Variants in HSF5 observed in about 807,000 individuals in gnomAD.
HSF5 encodes heat shock transcription factor 5.
Under a neutral mutation model 50.8 loss-of-function variants are expected in HSF5, and 5 were observed. The observed-to-expected ratio is 0.10, with a 90% CI of 0.05 to 0.21. The LOEUF is 0.21. Ranked by LOEUF, HSF5 falls within the 10% of genes least tolerant of loss-of-function variation. The pLI is 1.00. For missense variants in HSF5, 564 were observed against 762.6 expected, an observed-to-expected ratio of 0.74 and a Z score of 3.07; for synonymous variants, 307 against 307.4, an observed-to-expected ratio of 1.00 and a Z score of 0.02.
intron 5 of HSF5, among the ~76,000 whole-genome samples, chr17:58,427,211 G>A (rs996399444): frequency 1.3e-5 from 2 of 152,160 alleles, no homozygotes; most frequent in African/African-American, 4.8e-5. Context: ...AGGCTGCAGT[G>A]AGCTGATCAC....
chr17:58,454,340 C>G (rs920031925), intron 5 of HSF5, among the ~76,000 whole-genome samples: 1 of 152,112 alleles, frequency 6.6e-6, no homozygotes, highest in Non-Finnish European at 1.5e-5. Flanking sequence ...TACCTCAACA[C>G]GATAAAGGCC....
rs374563097 is a variant in HSF5, at chr17:58,479,989, G to C, written c.829C>G (p.His277Asp). The change falls in exon 2 of 6, where the codon CAT (histidine) becomes GAT (aspartate). Residue 277 changes from histidine to aspartate, a missense_variant. This residue lies in a region of HSF5 where 441 missense variants were observed against 533.6 expected (regional missense o/e 0.83). Transcript: ENST00000323777. ...ATTGTTTGAGGACCTTGTTGAACATGTACAGATGTGGTGCTGGGCTGCAGT... is the reference window on the plus strand; with the variant it reads ...ATTGTTTGAGGACCTTGTTGAACATCTACAGATGTGGTGCTGGGCTGCAGT... ...YTLQPSTTSV[H>D]VQQGPQTMVS... The C allele has an allele frequency of 4.3e-6, 7 of 1,614,180 alleles. No individual in the cohort carries two copies. The highest frequency in any genetic ancestry group is 5.9e-6 in the Non-Finnish European group (7 of 1,180,006).
intron 5 of HSF5, 46 bp from the exon 6 acceptor site, chr17:58,422,476 T>G (rs763225596): frequency 6.7e-7 from 1 of 1,487,146 alleles, no homozygotes; most frequent in Non-Finnish European, 9.3e-7. Context: ...CTCTGTAGAG[T>G]TCTATAGACA....
intron 5 of HSF5, among the ~76,000 whole-genome samples, chr17:58,435,169 T>C (rs1264439356): frequency 6.6e-6 from 1 of 152,180 alleles, no homozygotes; most frequent in Non-Finnish European, 1.5e-5. Flanking sequence ...GGACAGGATA[T>C]AATAGAGTGG....
chr17:58,467,491 T>A (rs1974883779), intron 2 of HSF5, among the ~76,000 whole-genome samples: 1 of 152,234 alleles, frequency 6.6e-6, no homozygotes, highest in Admixed American at 6.5e-5. Context: ...GGAATGCAGA[T>A]CACAGAGCCA....
At chr17:58,448,574 A>G (rs926675220) in intron 5 of HSF5, among the ~76,000 whole-genome samples, 1 of 152,214 alleles carries the variant, frequency 6.6e-6, no homozygotes, top group African/African-American at 2.4e-5. Context: ...AGAGAGTGGG[A>G]TGATGTATTC....
At chr17:58,444,761 C>G (rs926232696) in intron 5 of HSF5, among the ~76,000 whole-genome samples, 4 of 152,124 alleles carry the variant, frequency 2.6e-5, no homozygotes, top group Non-Finnish European at 5.9e-5. Context: ...TTAAAAGTGT[C>G]TGCTCATCAA....
At chr17:58,458,005 C>T (rs148456102) in intron 5 of HSF5, among the ~76,000 whole-genome samples, 201 of 152,306 alleles carry the variant, frequency 1.3e-3, no homozygotes, top group African/African-American at 4.1e-3. Flanking sequence ...AAGTTCTCAA[C>T]ATTTTTCAAA....
intron 4 of HSF5, among the ~76,000 whole-genome samples, chr17:58,461,686 A>AG (rs1974795597): frequency 6.6e-6 from 1 of 152,114 alleles, no homozygotes; most frequent in Non-Finnish European, 1.5e-5. Context: ...AGCCTGGTCA[A>AG]CATGGTGGAA....
chr17:58,447,419 G>A (rs1974574683), intron 5 of HSF5, among the ~76,000 whole-genome samples: 1 of 152,212 alleles, frequency 6.6e-6, no homozygotes, highest in African/African-American at 2.4e-5. Flanking sequence ...CTGGTACTGT[G>A]CTGCTCTGTG....
chr17:58,422,717 C>T (rs1043895198), intron 5 of HSF5, among the ~76,000 whole-genome samples: 9 of 133,764 alleles, frequency 6.7e-5, no homozygotes, highest in South Asian at 4.7e-4. Flanking sequence ...TTTTTTGAGA[C>T]GGAGTTTTGC....
At chr17:58,446,286 C>T (rs1974561993) in intron 5 of HSF5, among the ~76,000 whole-genome samples, 1 of 152,114 alleles carries the variant, frequency 6.6e-6, no homozygotes, top group Admixed American at 6.6e-5. Context: ...GGTGATGAAT[C>T]ACAGTGCCTG....
chr17:58,475,682 T>C (rs1975002858), intron 2 of HSF5, among the ~76,000 whole-genome samples: 1 of 152,224 alleles, frequency 6.6e-6, no homozygotes, highest in South Asian at 2.1e-4. Context: ...TGTTTTGTTT[T>C]TTAACAAGAG....
intron 5 of HSF5, among the ~76,000 whole-genome samples, chr17:58,441,981 C>T (rs1023583474): frequency 6.6e-6 from 1 of 152,052 alleles, no homozygotes; most frequent in Non-Finnish European, 1.5e-5. Flanking sequence ...TTTTATGTTA[C>T]GAGACAAAGA....
intron 2 of HSF5, chr17:58,476,850 GTTCAATTGC>G: frequency 7.0e-7 from 1 of 1,430,448 alleles, no homozygotes; most frequent in Non-Finnish European, 9.7e-7. Context: ...TCATCAATGT[GTTCAATTGC>G]TTCTTGCTGT....
intron 5 of HSF5, among the ~76,000 whole-genome samples, chr17:58,446,381 C>A (rs567420608): frequency 3.3e-5 from 5 of 152,264 alleles, no homozygotes; most frequent in Admixed American, 3.3e-4. Context: ...CCCAACCCCA[C>A]GCAATGCAGC....
chr17:58,443,442 G>A (rs1974522532), intron 5 of HSF5, among the ~76,000 whole-genome samples: 1 of 152,074 alleles, frequency 6.6e-6, no homozygotes, highest in African/African-American at 2.4e-5. Flanking sequence ...AGGAGGCAAG[G>A]ATATGTGGAT....
chr17:58,469,147 A>G (rs1207721856), intron 2 of HSF5, among the ~76,000 whole-genome samples: 1 of 152,108 alleles, frequency 6.6e-6, no homozygotes. Flanking sequence ...CAGCTAAGGA[A>G]AATCTAGCCA....
At chr17:58,441,053 T>C (rs533576118) in intron 5 of HSF5, among the ~76,000 whole-genome samples, 2 of 152,302 alleles carry the variant, frequency 1.3e-5, no homozygotes, top group African/African-American at 4.8e-5. Flanking sequence ...AGAATACACA[T>C]TACTTTCAAG....
Sources: gnomAD v4.1 joint callset for allele counts (sites outside exome capture counted in the v4.1 genomes callset) on GRCh38, gnomAD v4.1.1 for gene constraint, gnomAD v4.1.1 regional missense constraint, MANE v1.5 for transcripts, NCBI Gene and HGNC (gene_info 2026-07-23, HGNC 2026-07-21) for gene names.